The following PTPRD variants were observed in gnomAD, a reference collection of about 807,000 sequenced individuals.
The protein encoded by PTPRD is protein tyrosine phosphatase receptor type D.
A neutral mutation model predicts 214.5 loss-of-function variants in PTPRD; 34 were observed. The ratio of observed to expected loss-of-function variants is 0.16; its 90% CI spans 0.12 to 0.21. The LOEUF (loss-of-function observed/expected upper bound fraction) is 0.21. Ranked by LOEUF, PTPRD falls within the 10% of genes least tolerant of loss-of-function variation. PTPRD has a pLI of 1.00. For missense variants in PTPRD, 2,545 were observed against 2,398.7 expected (o/e 1.06, Z -1.27); for synonymous variants, 1,128 against 845.7 (o/e 1.33, Z -5.79).
At chr9:9,382,696 T>C (rs2062700619) in intron 9 of PTPRD, among the ~76,000 whole-genome samples, 1 of 152,040 alleles carries the variant, frequency 6.6e-6, no homozygotes, top group Non-Finnish European at 1.5e-5. Context: ...TCTTGCACAT[T>C]GTAGGTGGGA....
intron 11 of PTPRD, among the ~76,000 whole-genome samples, chr9:8,853,661 A>G (rs1343124085): frequency 6.6e-6 from 1 of 152,210 alleles, no homozygotes; most frequent in Non-Finnish European, 1.5e-5. Context: ...CTTCTTCCAC[A>G]TTATCAGATT....
At chr9:9,470,853 G>T (rs1239273552) in intron 8 of PTPRD, among the ~76,000 whole-genome samples, 1 of 152,140 alleles carries the variant, frequency 6.6e-6, no homozygotes, top group African/African-American at 2.4e-5. Flanking sequence ...ATATGGGGAG[G>T]TTTAAAATCA....
intron 2 of PTPRD, among the ~76,000 whole-genome samples, chr9:10,534,812 T>G (rs1428094886): frequency 6.6e-6 from 1 of 152,216 alleles, no homozygotes; most frequent in Non-Finnish European, 1.5e-5. Flanking sequence ...CCTCTCATTA[T>G]AAATATTTTC....
chr9:9,709,312 C>G (rs1461196860), intron 7 of PTPRD, among the ~76,000 whole-genome samples: 1 of 151,774 alleles, frequency 6.6e-6, no homozygotes, highest in Non-Finnish European at 1.5e-5. Flanking sequence ...GTTAAGATAT[C>G]ATCAACTAAT....
At chr9:8,868,684 A>C (rs1368686) in intron 11 of PTPRD, among the ~76,000 whole-genome samples, 1 of 152,006 alleles carries the variant, frequency 6.6e-6, no homozygotes, top group Non-Finnish European at 1.5e-5. Flanking sequence ...TATTTTATAG[A>C]TGAAAAAGAA....
Position 10,203,054 on chromosome 9 carries a change from T to C in PTPRD, c.-545+137909A>G, listed in dbSNP as rs577068524. Among the ~76,000 whole-genome samples the C allele has an allele frequency of 3.3e-5, 5 of 152,044 alleles. No individual in the cohort carries two copies. The South Asian group carries it at 8.3e-4, about 25-fold the overall frequency. ...TAGATACAGACAGAGATAAAGATTA[T>C]AGTTAGATATACGTGTACTTCTCTT... is the stretch of plus-strand genomic sequence containing the variant. On this transcript the variant is annotated intron_variant, in intron 3 of 45. Transcript: ENST00000381196.
At chr9:8,511,845 C>A (rs938952576) in intron 21 of PTPRD, among the ~76,000 whole-genome samples, 1 of 152,056 alleles carries the variant, frequency 6.6e-6, no homozygotes, top group Non-Finnish European at 1.5e-5. Context: ...CATAATCCTA[C>A]TGATACATGT....
At chr9:9,696,500 A>T (rs547970560) in intron 7 of PTPRD, among the ~76,000 whole-genome samples, 2 of 152,182 alleles carry the variant, frequency 1.3e-5, no homozygotes, top group East Asian at 1.9e-4. Context: ...GTGTGCATAG[A>T]TATTTGTAAT....
chr9:9,223,095 CTG>C (rs1265007914), intron 9 of PTPRD, among the ~76,000 whole-genome samples: 1 of 151,936 alleles, frequency 6.6e-6, no homozygotes, highest in Admixed American at 6.6e-5. Flanking sequence ...ATAAAGAAAA[CTG>C]TGATGTGATA....
intron 9 of PTPRD, among the ~76,000 whole-genome samples, chr9:9,201,723 C>T (rs2099941964): frequency 6.6e-6 from 1 of 152,074 alleles, no homozygotes; most frequent in South Asian, 2.1e-4. Flanking sequence ...TTGTTGATTG[C>T]AAAATCTATA....
At chr9:8,619,647 T>C (rs1420924321) in intron 14 of PTPRD, among the ~76,000 whole-genome samples, 1 of 151,990 alleles carries the variant, frequency 6.6e-6, no homozygotes, top group East Asian at 1.9e-4. Context: ...CCCCATCTTT[T>C]TGTGTTCTCA....
At chr9:8,655,903 C>T (rs985673788) in intron 12 of PTPRD, among the ~76,000 whole-genome samples, 1 of 152,066 alleles carries the variant, frequency 6.6e-6, no homozygotes, top group Admixed American at 6.6e-5. Flanking sequence ...CAGGCCATGA[C>T]CTTGTTCGAG....
At chr9:8,343,059 CA>C (rs2132610718) in intron 39 of PTPRD, among the ~76,000 whole-genome samples, 1 of 152,152 alleles carries the variant, frequency 6.6e-6, no homozygotes, top group South Asian at 2.1e-4. Context: ...AACTCCAAAA[CA>C]AATGAGTTAA....
chr9:9,059,666 TTAAA>T (rs1372956712), intron 10 of PTPRD, among the ~76,000 whole-genome samples: 21 of 152,110 alleles, frequency 1.4e-4, no homozygotes, highest in African/African-American at 4.6e-4. Context: ...AAACATATTA[TTAAA>T]TAAAGAATAT....
intron 9 of PTPRD, among the ~76,000 whole-genome samples, chr9:9,189,470 T>C (rs200592579): frequency 2.6e-5 from 4 of 152,104 alleles, no homozygotes; most frequent in East Asian, 1.9e-4. Context: ...GGTCTATTCC[T>C]ACACATCCTT....
chr9:9,974,016 AT>A, intron 4 of PTPRD, among the ~76,000 whole-genome samples: 1 of 152,318 alleles, frequency 6.6e-6, no homozygotes, highest in South Asian at 2.1e-4. Context: ...CATCATAGGA[AT>A]TTAGAAATTG....
chr9:9,245,146 G>A (rs971878937), intron 9 of PTPRD, among the ~76,000 whole-genome samples: 4 of 152,180 alleles, frequency 2.6e-5, no homozygotes, highest in Admixed American at 6.5e-5. Context: ...AACAGGTGCT[G>A]GAGAGGATGT....
At chr9:8,676,532 G>A (rs2097423252) in intron 12 of PTPRD, among the ~76,000 whole-genome samples, 1 of 151,592 alleles carries the variant, frequency 6.6e-6, no homozygotes, top group Admixed American at 6.6e-5. Context: ...ACAGGTGCCT[G>A]CCACCACATC....
At chr9:9,909,905 T>C (rs73400702) in intron 5 of PTPRD, among the ~76,000 whole-genome samples, 69 of 152,066 alleles carry the variant, frequency 4.5e-4, no homozygotes, top group African/African-American at 1.6e-3. Flanking sequence ...AGTAAAGTAA[T>C]ACATATTCTT....
Sources: allele counts gnomAD v4.1 joint callset (sites outside exome capture counted in the v4.1 genomes callset), GRCh38; gene constraint gnomAD v4.1.1; transcripts MANE v1.5; gene names NCBI Gene and HGNC (gene_info 2026-07-23, HGNC 2026-07-21).